The following ARHGAP11A variants were observed in gnomAD, a reference collection of about 807,000 sequenced individuals.
ARHGAP11A encodes rho GTPase-activating protein 11A.
Under a neutral mutation model 60.5 loss-of-function variants are expected in ARHGAP11A, and 36 were observed. That is an observed-to-expected ratio of 0.59 (90% CI 0.46 to 0.79). The LOEUF is 0.79. ARHGAP11A is among the 30% of genes least tolerant of loss of function. The pLI, the probability that ARHGAP11A is intolerant of heterozygous loss-of-function variation, is 0.00. For synonymous variants in ARHGAP11A, 362 were observed against 415.5 expected (o/e 0.87, Z 1.57); for missense variants, 1,071 against 1,199.2 (o/e 0.89, Z 1.58).
intron 8 of ARHGAP11A, among the ~76,000 whole-genome samples, chr15:32,630,509 G>A (rs1053935973): frequency 5.4e-5 from 8 of 148,708 alleles, no homozygotes; most frequent in African/African-American, 2.0e-4. Flanking sequence ...CTAAGCCCAG[G>A]GTCCTCCATC....
At chr15:32,633,845 G>C in intron 9 of ARHGAP11A, 88 bp from the exon 10 acceptor site, 1 of 746,200 alleles carries the variant, frequency 1.3e-6, no homozygotes, top group Non-Finnish European at 2.2e-6. Flanking sequence ...AATATGATTT[G>C]CTGTGGACTT....
chr15:32,638,826 G>A lies in ARHGAP11A; in HGVS notation c.*981G>A, dbSNP rs1411500972. On this transcript the variant is annotated 3_prime_UTR_variant, in exon 12 of 12. Transcript: ENST00000361627. Reference sequence around the variant, plus strand: ...AATTTGCACAAACACGTTTGTGTCTGTTCTGTCCAATATAGATTTGGCAAT... The same window carrying A: ...AATTTGCACAAACACGTTTGTGTCTATTCTGTCCAATATAGATTTGGCAAT... 1 of 152,498 alleles carries A rather than the reference G, an allele frequency of 6.6e-6. No individual in the cohort carries two copies. Among genetic ancestry groups the A allele is most frequent in the African/African-American group, 2.4e-5 (1 of 41,398 alleles). The allele number at this position is 152,498 out of a possible 1,614,324, so 9.4% of individuals were successfully genotyped here. A position where few individuals can be genotyped will look rare whatever the true frequency, so the allele number is the denominator to read the frequency against.
In ARHGAP11A at chr15:32,628,715, C is replaced by G. The variant is rs943096028; in HGVS notation, c.863-13C>G. 40 of 1,558,728 alleles carry G rather than the reference C, an allele frequency of 2.6e-5. No individual in the cohort carries two copies. The highest frequency in any genetic ancestry group is 3.2e-5 in the Non-Finnish European group (37 of 1,161,648). On this transcript the variant is annotated splice_polypyrimidine_tract_variant and intron_variant, in intron 6 of 11. Transcript: ENST00000361627. ...AAATGTGAAGTTGTAATTGCTTATGCCTTGCATTTCAGATTTTGTTAGTGG... is the reference window on the plus strand; with the variant it reads ...AAATGTGAAGTTGTAATTGCTTATGGCTTGCATTTCAGATTTTGTTAGTGG...
chr15:32,629,122 G>A (rs1421908405), intron 7 of ARHGAP11A, among the ~76,000 whole-genome samples: 1 of 151,078 alleles, frequency 6.6e-6, no homozygotes, highest in Non-Finnish European at 1.5e-5. Flanking sequence ...AGGACTAGAA[G>A]TTCATTATTG....
intron 6 of ARHGAP11A, among the ~76,000 whole-genome samples, 189 bp downstream of exon 6, chr15:32,625,822 C>T (rs566785331): frequency 6.6e-6 from 1 of 152,296 alleles, no homozygotes; most frequent in African/African-American, 2.4e-5. Context: ...ATCTTTAGCA[C>T]AAACATAAAA....
intron 10 of ARHGAP11A, among the ~76,000 whole-genome samples, chr15:32,634,316 G>A (rs1398875014): frequency 6.6e-6 from 1 of 152,178 alleles, no homozygotes; most frequent in African/African-American, 2.4e-5. Flanking sequence ...GAATGCTTGA[G>A]ACCAGAAGTA....
chr15:32,621,298 C>G (rs1396298409), intron 2 of ARHGAP11A, among the ~76,000 whole-genome samples: 1 of 141,294 alleles, frequency 7.1e-6, no homozygotes, highest in Admixed American at 7.7e-5. Flanking sequence ...TCAAGTGATT[C>G]TCCTGCCTCA....
chr15:32,618,769 C>A (rs866161196), intron 1 of ARHGAP11A, among the ~76,000 whole-genome samples: 7 of 104,082 alleles, frequency 6.7e-5, no homozygotes, highest in South Asian at 7.4e-4. Flanking sequence ...CCCCCCCCCC[C>A]CCGCCCCACG....
chr15:32,627,266 C>G (rs1184203862), intron 6 of ARHGAP11A, among the ~76,000 whole-genome samples: 1 of 151,954 alleles, frequency 6.6e-6, no homozygotes, highest in African/African-American at 2.4e-5. Flanking sequence ...CCATCTTTAT[C>G]CTCTTTATCC....
In ARHGAP11A at chr15:32,625,366, C is replaced by T. The variant is rs2053433448; in HGVS notation, c.716-121C>T. On this transcript the variant is annotated intron_variant, in intron 5 of 11. Coordinates refer to ENST00000361627, the MANE Select transcript of ARHGAP11A (RefSeq NM_014783.6). The stretch of plus-strand genomic sequence containing the variant: ...TATTACTGACCTCACCCCCACCCTA[C>T]AGTACCGGCCCCTCCTGCAAAGAAA... The T allele has an allele frequency of 7.6e-6, 11 of 1,453,482 alleles. No homozygotes were observed. In the South Asian group the frequency reaches 1.4e-4, roughly 18 times the overall value. The allele number at this position is 1,453,482 out of a possible 1,614,324, so 90.0% of individuals were successfully genotyped here. A position where few individuals can be genotyped will look rare whatever the true frequency, so the allele number is the denominator to read the frequency against.
At chr15:32,621,014 G>A (rs1468330386) in intron 2 of ARHGAP11A, among the ~76,000 whole-genome samples, 2 of 151,956 alleles carry the variant, frequency 1.3e-5, no homozygotes, top group Non-Finnish European at 2.9e-5. Context: ...AGGCTGCAGT[G>A]AGCTATGCTC....
At position 32,632,033 on chromosome 15, in the gene ARHGAP11A, T is replaced by G. The variant is rs139431354; in HGVS notation, c.1106-946T>G. On this transcript the variant is annotated intron_variant, in intron 8 of 11. Transcript: ENST00000361627. The stretch of plus-strand genomic sequence containing the variant: ...TAGAATAAAGCTACTTATGTCACTT[T>G]AGATGTATAATATTGGCTTCCAAAA... 6.6e-3 allele frequency among the ~76,000 whole-genome samples: 1,000 copies of G among 152,338 alleles called. 6 individuals are homozygous for G. Among genetic ancestry groups the G allele is most frequent in the African/African-American group, 0.023 (963 of 41,572 alleles).
chr15:32,621,607 C>T (rs961751920), intron 2 of ARHGAP11A, among the ~76,000 whole-genome samples: 6 of 152,302 alleles, frequency 3.9e-5, no homozygotes, highest in Non-Finnish European at 7.3e-5. Flanking sequence ...GGGCAGATTA[C>T]GAGGTCAGGA....
chr15:32,631,979 A>G (rs532290919), intron 8 of ARHGAP11A, among the ~76,000 whole-genome samples: 1 of 152,352 alleles, frequency 6.6e-6, no homozygotes, highest in South Asian at 2.1e-4. Context: ...CTGGCCGGAC[A>G]CATTTTTAAA....
rs765786897 is a variant in ARHGAP11A at position 32,633,074 on chromosome 15, C to T, written c.1201C>T (p.Arg401Ter). The T allele has an allele frequency of 2.0e-5, 32 of 1,613,814 alleles. No individual in the cohort carries two copies. Among genetic ancestry groups the T allele is most frequent in the Non-Finnish European group, 2.5e-5 (29 of 1,179,946 alleles). ...NHLITAGVPR[R>*]SKRIAGKKVC... ...TTTGATCACTGCAGGTGTGCCAAGG[C>T]GAAGTAAAAGAATTGCAGGCAAAAA... Residue 401 changes from arginine to a stop codon, truncating the protein, a stop_gained, in exon 9 of 12, where the codon CGA becomes TGA. Coordinates refer to ENST00000361627, the MANE Select transcript of ARHGAP11A (RefSeq NM_014783.6). LOFTEE classifies it high-confidence loss of function.
At position 32,639,496 on chromosome 15, in the gene ARHGAP11A, TA is replaced by T. The variant is rs1224511453; in HGVS notation, c.*1654del. On this transcript the variant is annotated 3_prime_UTR_variant, in exon 12 of 12. Coordinates refer to ENST00000361627, the MANE Select transcript of ARHGAP11A (RefSeq NM_014783.6). ...TATGTTGTCTGCTTTAAACAATTTT[TA>T]AATTTTAAAAATGCATTAACGTCTT... 6.6e-6 allele frequency: 1 copy of T among 152,232 alleles called. No homozygotes were observed. The highest frequency in any genetic ancestry group is 1.5e-5 in the Non-Finnish European group (1 of 68,034). The allele number at this position is 152,232 out of a possible 1,614,324, so 9.4% of individuals were successfully genotyped here.
chr15:32,626,424 G>C (rs2053458855), intron 6 of ARHGAP11A, among the ~76,000 whole-genome samples: 1 of 152,202 alleles, frequency 6.6e-6, no homozygotes, highest in African/African-American at 2.4e-5. Context: ...CAAGAAGTCA[G>C]AGGCCATTAT....
rs776733394 is a variant in ARHGAP11A, at chr15:32,637,534, A to T, written c.2761A>T (p.Met921Leu). Residue 921 changes from methionine to leucine, a missense_variant, in exon 12 of 12, where the codon ATG (methionine) becomes TTG (leucine). Around this residue, in one of 4 missense-constraint regions of ARHGAP11A, gnomAD observed 776 missense variants for 760.2 expected, o/e 1.02. Transcript: ENST00000361627. The part of the protein sequence containing the change: ...SNIGAISKSS[M>L]ELPSKSFLKM... The stretch of plus-strand genomic sequence containing the variant: ...TATTGGTGCAATTTCAAAGTCAAGC[A>T]TGGAGTTACCCTCGAAATCTTTCTT... The T allele has an allele frequency of 3.1e-6, 5 of 1,614,138 alleles. No homozygotes were observed. The highest frequency in any genetic ancestry group is 2.5e-6 in the Non-Finnish European group (3 of 1,180,040).
At position 32,637,939 on chromosome 15, in the gene ARHGAP11A, ATTGT is replaced by A. The variant is rs1274823899; in HGVS notation, c.*96_*99del. 1.8e-6 allele frequency: 2 copies of A among 1,085,058 alleles called. No homozygotes were observed. Among genetic ancestry groups the A allele is most frequent in the African/African-American group, 3.2e-5 (2 of 62,738 alleles). 67.2% of individuals were successfully genotyped at this position (1,085,058 alleles called of 1,614,324 possible). On this transcript the variant is annotated 3_prime_UTR_variant, in exon 12 of 12. Coordinates refer to ENST00000361627, the MANE Select transcript of ARHGAP11A (RefSeq NM_014783.6). ...ACATGTTAGTTTGTAGCTCAGGATG[ATTGT>A]TAAGCAATAGATTTGCTCTATTGAA...
Sources: gnomAD v4.1 joint callset for allele counts (sites outside exome capture counted in the v4.1 genomes callset) on GRCh38, gnomAD v4.1.1 for gene constraint, gnomAD v4.1.1 regional missense constraint, MANE v1.5 for transcripts, NCBI Gene and HGNC (gene_info 2026-07-23, HGNC 2026-07-21) for gene names.